The following ZNF518A variants were observed in gnomAD, a reference collection of about 807,000 sequenced individuals.
The protein encoded by ZNF518A is zinc finger protein 518.
In ZNF518A, 47 loss-of-function variants were observed where a neutral mutation model predicts 102.7. The ratio of observed to expected loss-of-function variants is 0.46; its 90% confidence interval spans 0.36 to 0.58. The LOEUF is 0.58. Among genes scored for constraint, ZNF518A ranks in the 20% least tolerant of loss-of-function variants. The pLI, the probability that ZNF518A is intolerant of heterozygous loss-of-function variation, is 0.00. For synonymous variants in ZNF518A, 652 were observed against 594.6 expected (o/e 1.10, Z -1.40); for missense variants, 1,793 against 1,699.8 (o/e 1.05, Z -0.96).
At chr10:96,179,707 A>G (rs1422154838) in intron 1 of ZNF518A, among the ~76,000 whole-genome samples, 2 of 152,084 alleles carry the variant, frequency 1.3e-5, no homozygotes, top group South Asian at 2.1e-4. Context: ...GGCTCAATAA[A>G]TGTTCACTGG....
At chr10:96,188,024 A>C (rs1474543588) in intron 1 of ZNF518A, among the ~76,000 whole-genome samples, 10 of 152,150 alleles carry the variant, frequency 6.6e-5, no homozygotes, top group Middle Eastern at 3.4e-3. Context: ...AATTTTTTCT[A>C]GTTTTAGTAG....
chr10:96,139,413 A>G (rs868921720), intron 3 of ZNF518A, among the ~76,000 whole-genome samples: 1 of 152,090 alleles, frequency 6.6e-6, no homozygotes, highest in Non-Finnish European at 1.5e-5. Context: ...GTCCTTATGA[A>G]TGGAATTAGT....
At chr10:96,180,197 T>TTA (rs2083231615) in intron 1 of ZNF518A, among the ~76,000 whole-genome samples, 1 of 146,994 alleles carries the variant, frequency 6.8e-6, no homozygotes, top group Non-Finnish European at 1.5e-5. Flanking sequence ...TTTTTTTTTT[T>TTA]TTTTTTTAAT....
intron 1 of ZNF518A, among the ~76,000 whole-genome samples, chr10:96,185,764 G>A (rs2083268365): frequency 6.6e-6 from 1 of 152,168 alleles, no homozygotes; most frequent in African/African-American, 2.4e-5. Context: ...CTACACAGGG[G>A]AGGACATTTA....
In ZNF518A at chr10:96,156,955, G is replaced by T. The variant is rs782675392; in HGVS notation, c.633G>T (p.Lys211Asn). 22 of 1,613,756 alleles carry T rather than the reference G, an allele frequency of 1.4e-5. No homozygotes were observed. The highest frequency in any genetic ancestry group is 1.8e-5 in the Non-Finnish European group (21 of 1,179,816). The change falls in exon 6 of 6, where the codon AAG becomes AAT. Residue 211 changes from lysine (K) to asparagine (N), a missense_variant. Lys to Asn is a moderately conservative substitution (Grantham distance 94, BLOSUM62 0). This residue lies in a region of ZNF518A where 1,741 missense variants were observed against 1,622.6 expected (regional missense o/e 1.07). Coordinates refer to ENST00000316045, the MANE Select transcript of ZNF518A (RefSeq NM_001330736.2). Reference sequence around the variant, plus strand: ...TTAATGGTAATTTTCAATGTGAAAAGTGTAAGTTCTCCACCCAGGATGTTG... The same window carrying T: ...TTAATGGTAATTTTCAATGTGAAAATTGTAAGTTCTCCACCCAGGATGTTG... ...HCVNGNFQCE[K>N]CKFSTQDVGT...
At position 96,131,783 on chromosome 10, in the gene ZNF518A, G is replaced by A. The variant is rs587675593; in HGVS notation, c.-452-803G>A. ...AATTTTTTGCCATGGTCACACTTCG[G>A]ATTCTGTTCTAGTCTCTCTGGTAAT... On this transcript the variant is annotated intron_variant, in intron 1 of 5. Coordinates refer to ENST00000316045, the MANE Select transcript of ZNF518A (RefSeq NM_001330736.2). Among the ~76,000 whole-genome samples the A allele has an allele frequency of 2.0e-5, 3 of 152,254 alleles. No individual in the cohort carries two copies. The South Asian group carries it at 6.2e-4, about 32-fold the overall frequency.
intron 1 of ZNF518A, among the ~76,000 whole-genome samples, chr10:96,179,074 T>C (rs587738091): frequency 2.6e-5 from 4 of 152,240 alleles, no homozygotes; most frequent in African/African-American, 9.6e-5. Context: ...ATCCTGATAC[T>C]AAAATTTGAT....
chr10:96,168,645 T>C (rs1440140350), downstream of ZNF518A, among the ~76,000 whole-genome samples: 2 of 152,176 alleles, frequency 1.3e-5, no homozygotes, highest in Admixed American at 1.3e-4. Flanking sequence ...TTGTTTTCTT[T>C]TTAATTTTCC....
chr10:96,169,986 C>G (rs1036551112), intron 1 of ZNF518A, among the ~76,000 whole-genome samples: 4 of 152,210 alleles, frequency 2.6e-5, no homozygotes, highest in Admixed American at 2.6e-4. Flanking sequence ...CCAGTGTTTG[C>G]TAAGGGACTT....
At chr10:96,183,724 T>G (rs897127222) in intron 1 of ZNF518A, among the ~76,000 whole-genome samples, 5 of 152,302 alleles carry the variant, frequency 3.3e-5, no homozygotes, top group East Asian at 1.9e-4. Context: ...GAGGAGTGCT[T>G]TACTTCCAAC....
rs894137336 is a variant in ZNF518A at position 96,157,501 on chromosome 10, A to C, written c.1179A>C (p.Pro393=). The C allele has an allele frequency of 1.2e-6, 2 of 1,613,752 alleles. No individual in the cohort carries two copies. Among genetic ancestry groups the C allele is most frequent in the South Asian group, 2.2e-5 (2 of 91,088 alleles). The change falls in exon 6 of 6, where the codon CCA becomes CCC. Residue 393 remains proline (P), a synonymous_variant. Coordinates refer to ENST00000316045, the MANE Select transcript of ZNF518A (RefSeq NM_001330736.2). ...CCCCTGAATCAGAGTCAGAGAAGCC[A>C]ACTCCTCTGTCCACTGGGCAAGGTA... ...DKAPESESEK[P]TPLSTGQGNR... is the part of the protein sequence containing the mutation.
chr10:96,165,043 G>C (rs1554889833), downstream of ZNF518A, among the ~76,000 whole-genome samples: 1 of 152,110 alleles, frequency 6.6e-6, no homozygotes, highest in Non-Finnish European at 1.5e-5. Context: ...TTAATATCTT[G>C]GAAGTTTAAA....
chr10:96,160,305 G>A lies in ZNF518A; in HGVS notation c.3983G>A (p.Arg1328Gln), dbSNP rs3814226. Residue 1328 changes from arginine (R) to glutamine (Q), a missense_variant, in exon 6 of 6, where the codon CGG becomes CAG. Around this residue, in one of 3 missense-constraint regions of ZNF518A, gnomAD observed 1,741 missense variants for 1,622.6 expected, o/e 1.07. Transcript: ENST00000316045. Reference sequence around the variant, plus strand: ...TCAAAAGATTCCATCAGAACTTTGCGGCTTTTCCCTTTTAGTTCTAAACAG... The same window carrying A: ...TCAAAAGATTCCATCAGAACTTTGCAGCTTTTCCCTTTTAGTTCTAAACAG... The part of the protein sequence containing the change: ...RLSKDSIRTL[R>Q]LFPFSSKQLV... 0.028 allele frequency: 45,763 copies of A among 1,613,538 alleles called. 6,304 individuals carry two copies. The East Asian group carries it at 0.46, about 16-fold the overall frequency.
rs782609056 is a variant in ZNF518A at position 96,163,740 on chromosome 10, A to C, written c.*2966A>C. On this transcript the variant is annotated 3_prime_UTR_variant, in exon 6 of 6. Coordinates refer to ENST00000316045, the MANE Select transcript of ZNF518A (RefSeq NM_001330736.2). ...AAATGAATTAGTGTGGCTATGTTTT[A>C]ATAAAACAATTTATAAAAACAGGAA... is the stretch of plus-strand genomic sequence containing the variant. 2.6e-4 allele frequency: 44 copies of C among 167,182 alleles called. No homozygotes were observed. Among genetic ancestry groups the C allele is most frequent in the Non-Finnish European group, 3.8e-4 (26 of 68,078 alleles). The allele number at this position is 167,182 out of a possible 1,614,324, so 10.4% of individuals were successfully genotyped here.
At chr10:96,191,254 T>TTTA (rs1554893321) in intron 1 of ZNF518A, among the ~76,000 whole-genome samples, 2 of 147,914 alleles carry the variant, frequency 1.4e-5, no homozygotes, top group African/African-American at 5.0e-5. Context: ...TTTTTTTTTT[T>TTTA]ATGTAAATCA....
chr10:96,156,964 C>T lies in ZNF518A; in HGVS notation c.642C>T (p.Phe214=), dbSNP rs920629004. 3 of 1,613,730 alleles carry T rather than the reference C, an allele frequency of 1.9e-6. No individual in the cohort carries two copies. The highest frequency in any genetic ancestry group is 2.5e-6 in the Non-Finnish European group (3 of 1,179,818). The stretch of plus-strand genomic sequence containing the variant: ...ATTTTCAATGTGAAAAGTGTAAGTT[C>T]TCCACCCAGGATGTTGGCACATTTG... ...NGNFQCEKCK[F]STQDVGTFVQ... is the part of the protein sequence containing the mutation. The change falls in exon 6 of 6, where the codon TTC becomes TTT. Residue 214 remains phenylalanine (F), a synonymous_variant. Coordinates refer to ENST00000316045, the MANE Select transcript of ZNF518A (RefSeq NM_001330736.2).
chr10:96,144,246 A>G (rs1293426634), intron 3 of ZNF518A, among the ~76,000 whole-genome samples: 2 of 152,170 alleles, frequency 1.3e-5, no homozygotes, highest in Admixed American at 6.5e-5. Context: ...TTGGCTTCCC[A>G]AAGTGCTAGG....
rs1359528277 is a variant in ZNF518A, at chr10:96,130,683, A to G, written c.-522A>G. 1 of 152,268 alleles carries G rather than the reference A, an allele frequency of 6.6e-6. No homozygotes were observed. The highest frequency in any genetic ancestry group is 1.9e-4 in the East Asian group (1 of 5,186). 9.4% of individuals were successfully genotyped at this position (152,268 alleles called of 1,614,324 possible). On this transcript the variant is annotated 5_prime_UTR_variant, in exon 1 of 6. Coordinates refer to ENST00000316045, the MANE Select transcript of ZNF518A (RefSeq NM_001330736.2). ...CCTATTGCTGGCCCAGCGTATGGTCATTGGGGGCCATTTCTTGCAGAGATG... is the reference window on the plus strand; with the variant it reads ...CCTATTGCTGGCCCAGCGTATGGTCGTTGGGGGCCATTTCTTGCAGAGATG...
At position 96,132,022 on chromosome 10, in the gene ZNF518A, T is replaced by A. The variant is rs587608644; in HGVS notation, c.-452-564T>A. Among the ~76,000 whole-genome samples the A allele has an allele frequency of 2.0e-5, 3 of 152,160 alleles. No individual in the cohort carries two copies. The East Asian group carries it at 5.8e-4, about 29-fold the overall frequency. On this transcript the variant is annotated intron_variant, in intron 1 of 5. Transcript: ENST00000316045. ...GAGCACTTAATACTACTTTTTTTTT[T>A]TTTCTTTAAATGATAGGAGACTTGA...
Sources: allele counts gnomAD v4.1 joint callset (sites outside exome capture counted in the v4.1 genomes callset), GRCh38; gene constraint gnomAD v4.1.1; regional missense constraint gnomAD v4.1.1; transcripts MANE v1.5; gene names NCBI Gene and HGNC (gene_info 2026-07-23, HGNC 2026-07-21).